Variants in ZNF383 observed in about 807,000 individuals in gnomAD.
ZNF383 encodes zinc finger protein 383.
A neutral mutation model predicts 44.2 loss-of-function variants in ZNF383; 32 were observed. That is an observed-to-expected ratio of 0.72 (90% CI 0.55 to 0.97). The LOEUF (loss-of-function observed/expected upper bound fraction) is 0.97, where lower values mean the gene tolerates loss of function less well. Among genes scored for constraint, ZNF383 ranks in the 50% least tolerant of loss-of-function variants. The pLI is 0.00. For synonymous variants in ZNF383, 155 were observed against 186.2 expected (o/e 0.83, Z 1.36); for missense variants, 487 against 562.5 (o/e 0.87, Z 1.36).
At position 37,243,455 on chromosome 19, in the gene ZNF383, T is replaced by G; in HGVS notation, c.1219T>G (p.Ser407Ala). The change falls in exon 6 of 6, where the codon TCA becomes GCA. Residue 407 changes from serine to alanine, a missense_variant. Ser to Ala is a moderately conservative substitution (Grantham distance 99, BLOSUM62 1). Transcript: ENST00000684119. Reference protein sequence around the residue: ...LECGKAFTQNSQLFQHQRIHT... With the variant: ...LECGKAFTQNAQLFQHQRIHT... ...ATGTGGGAAGGCCTTTACTCAGAAC[T>G]CACAACTTTTCCAGCATCAGAGAAT... is the stretch of plus-strand genomic sequence containing the variant. 6.2e-7 allele frequency: 1 copy of G among 1,614,038 alleles called. No individual in the cohort carries two copies. The highest frequency in any genetic ancestry group is 8.5e-7 in the Non-Finnish European group (1 of 1,179,916).
chr19:37,221,934 C>T (rs1051080999), intron 1 of ZNF383, among the ~76,000 whole-genome samples: 3 of 142,152 alleles, frequency 2.1e-5, no homozygotes, highest in East Asian at 2.0e-4. Context: ...CCAGCCTGGC[C>T]GACAGAGCGA....
rs1413533962 is a variant in ZNF383 at position 37,234,411 on chromosome 19, CAG to C, written c.10-1135_10-1134del. On this transcript the variant is annotated intron_variant, in intron 3 of 5. Coordinates refer to ENST00000684119, the MANE Select transcript of ZNF383 (RefSeq NM_001387601.1). The stretch of plus-strand genomic sequence containing the variant: ...TTTTATTTTATTTTATTTTTTGAGA[CAG>C]AGTCTTGCTCTGTTGCCCAGGCTGG... Among the ~76,000 whole-genome samples, 13 of 151,862 alleles carry C rather than the reference CAG, an allele frequency of 8.6e-5. No homozygotes were observed. In the East Asian group the frequency reaches 2.5e-3, roughly 30 times the overall value.
In ZNF383 at chr19:37,246,431, TG is replaced by T. The variant is rs1183706430; in HGVS notation, c.*2768del. 2.0e-5 allele frequency: 3 copies of T among 152,148 alleles called. No homozygotes were observed. Among genetic ancestry groups the T allele is most frequent in the African/African-American group, 4.8e-5 (2 of 41,422 alleles). 9.4% of individuals were successfully genotyped at this position (152,148 alleles called of 1,614,324 possible). A position where few individuals can be genotyped will look rare whatever the true frequency, so the allele number is the denominator to read the frequency against. On this transcript the variant is annotated 3_prime_UTR_variant, in exon 6 of 6. Transcript: ENST00000684119. Reference sequence around the variant, plus strand: ...TTTTAAAAGGAAGAGAAAAAGTATGTGTGCATAGTCTTTGTTCAGACTTTAT... The same window carrying T: ...TTTTAAAAGGAAGAGAAAAAGTATGTTGCATAGTCTTTGTTCAGACTTTAT...
chr19:37,243,448 T>C lies in ZNF383; in HGVS notation c.1212T>C (p.Thr404=), dbSNP rs775015680. ...GTCTTGAATGTGGGAAGGCCTTTACTCAGAACTCACAACTTTTCCAGCATC... is the reference window on the plus strand; with the variant it reads ...GTCTTGAATGTGGGAAGGCCTTTACCCAGAACTCACAACTTTTCCAGCATC... ...FECLECGKAF[T]QNSQLFQHQR... Residue 404 remains threonine, a synonymous_variant, in exon 6 of 6, where the codon ACT becomes ACC. Coordinates refer to ENST00000684119, the MANE Select transcript of ZNF383 (RefSeq NM_001387601.1). The C allele has an allele frequency of 1.1e-5, 18 of 1,613,982 alleles. No individual in the cohort carries two copies. The South Asian group carries it at 2.0e-4, about 18-fold the overall frequency.
At chr19:37,240,157 C>CAA (rs11296804) in intron 5 of ZNF383, among the ~76,000 whole-genome samples, 1 of 138,568 alleles carries the variant, frequency 7.2e-6, no homozygotes, top group Non-Finnish European at 1.6e-5. Flanking sequence ...CACTGCGTTT[C>CAA]AAAAAAAAAA....
At chr19:37,234,529 A>G (rs1973672057) in intron 3 of ZNF383, among the ~76,000 whole-genome samples, 1 of 152,058 alleles carries the variant, frequency 6.6e-6, no homozygotes, top group Admixed American at 6.6e-5. Context: ...GCTGAGGACT[A>G]CAGGCGCCCG....
chr19:37,225,984 A>G (rs1324674401), intron 2 of ZNF383, among the ~76,000 whole-genome samples: 6 of 144,740 alleles, frequency 4.1e-5, no homozygotes, highest in Non-Finnish European at 9.0e-5. Flanking sequence ...GTATTTTAGT[A>G]GAGACGGGGT....
intron 2 of ZNF383, chr19:37,226,681 G>A (rs1973183934): frequency 6.6e-6 from 1 of 152,068 alleles, no homozygotes; most frequent in Non-Finnish European, 1.5e-5. Flanking sequence ...AGACATGTAA[G>A]TTTCTATTTT....
At chr19:37,237,988 G>A (rs540345828) in intron 5 of ZNF383, among the ~76,000 whole-genome samples, 2 of 151,332 alleles carry the variant, frequency 1.3e-5, no homozygotes, top group South Asian at 2.1e-4. Context: ...TCAGCCTCCC[G>A]AGTAGCTCGG....
rs1974407036 is a variant in ZNF383, at chr19:37,247,385, A to G, written c.*3721A>G. 1.3e-5 allele frequency: 2 copies of G among 152,252 alleles called. No individual in the cohort carries two copies. Among genetic ancestry groups the G allele is most frequent in the African/African-American group, 4.8e-5 (2 of 41,458 alleles). 9.4% of individuals were successfully genotyped at this position (152,252 alleles called of 1,614,324 possible). ...GTATATGAGAAATTGAAATGGCTAT[A>G]TATGTAAACTTAAAAGAACTGTGTC... On this transcript the variant is annotated 3_prime_UTR_variant, in exon 6 of 6. Transcript: ENST00000684119.
chr19:37,219,786 T>G (rs953245023), intron 1 of ZNF383: 1 of 152,226 alleles, frequency 6.6e-6, no homozygotes, highest in Non-Finnish European at 1.5e-5. Flanking sequence ...CTTCTCTGGA[T>G]AGTCGTGGTT....
In ZNF383 at chr19:37,242,714, C is replaced by T; in HGVS notation, c.478C>T (p.His160Tyr). 1 of 1,614,018 alleles carries T rather than the reference C, an allele frequency of 6.2e-7. No homozygotes were observed. The highest frequency in any genetic ancestry group is 8.5e-7 in the Non-Finnish European group (1 of 1,179,964). ...TATTCAACAGACATTCCTTACTCTC[C>T]ATCAAATAATTAATAATGAAGACAG... is the stretch of plus-strand genomic sequence containing the variant. Reference protein sequence around the residue: ...TFIQQTFLTLHQIINNEDRPY... With the variant: ...TFIQQTFLTLYQIINNEDRPY... Residue 160 changes from histidine to tyrosine, a missense_variant, in exon 6 of 6, where the codon CAT (histidine) becomes TAT (tyrosine). By Grantham distance (83) the His-to-Tyr change is moderately conservative. Coordinates refer to ENST00000684119, the MANE Select transcript of ZNF383 (RefSeq NM_001387601.1).
intron 3 of ZNF383, among the ~76,000 whole-genome samples, chr19:37,235,284 AAAAAG>A (rs1274205859): frequency 1.3e-5 from 2 of 151,876 alleles, no homozygotes; most frequent in Admixed American, 6.6e-5. Flanking sequence ...AAAAAAAAAA[AAAAAG>A]AAAAGAAATC....
intron 3 of ZNF383, among the ~76,000 whole-genome samples, 193 bp from the exon 4 acceptor site, chr19:37,235,356 G>T (rs558000645): frequency 6.6e-6 from 1 of 151,806 alleles, no homozygotes; most frequent in Non-Finnish European, 1.5e-5. Flanking sequence ...TTTCTAGGCC[G>T]TTTCAATGGA....
Position 37,242,742 on chromosome 19 carries a change from C to T in ZNF383, c.506C>T (p.Pro169Leu), listed in dbSNP as rs760878144. The T allele has an allele frequency of 1.1e-5, 17 of 1,614,044 alleles. No individual in the cohort carries two copies. The highest frequency in any genetic ancestry group is 1.4e-5 in the Non-Finnish European group (17 of 1,180,002). The change falls in exon 6 of 6, where the codon CCC (proline) becomes CTC (leucine). Residue 169 changes from proline to leucine, a missense_variant. Transcript: ENST00000684119. The part of the protein sequence containing the change: ...LHQIINNEDR[P>L]YECKKCGKAF... ...CAAATAATTAATAATGAAGACAGAC[C>T]CTATGAATGTAAGAAATGTGGAAAG...
At chr19:37,234,960 A>T (rs1395602399) in intron 3 of ZNF383, among the ~76,000 whole-genome samples, 1 of 152,100 alleles carries the variant, frequency 6.6e-6, no homozygotes, top group Non-Finnish European at 1.5e-5. Context: ...GGTTTCTTTT[A>T]TTTGAAAATG....
rs1344455722 is a variant in ZNF383, at chr19:37,246,350, A to AACACTTGTAATG, written c.*2688_*2699dup. ...TTGTAATTCATGGTGGAAAAAGAGA[A>AACACTTGTAATG]ACACTTGTAATGAGTATAACGAAGC... On this transcript the variant is annotated 3_prime_UTR_variant, in exon 6 of 6. Coordinates refer to ENST00000684119, the MANE Select transcript of ZNF383 (RefSeq NM_001387601.1). The AACACTTGTAATG allele has an allele frequency of 6.6e-6, 1 of 152,230 alleles. No homozygotes were observed. Among genetic ancestry groups the AACACTTGTAATG allele is most frequent in the Non-Finnish European group, 1.5e-5 (1 of 68,044 alleles). The allele number at this position is 152,230 out of a possible 1,614,324, so 9.4% of individuals were successfully genotyped here. A position where few individuals can be genotyped will look rare whatever the true frequency, so the allele number is the denominator to read the frequency against.
At chr19:37,224,772 G>A (rs1973079857) in intron 1 of ZNF383, 46 bp from the exon 2 acceptor site, 3 of 145,894 alleles carry the variant, frequency 2.1e-5, no homozygotes, top group South Asian at 4.4e-4. Context: ...TGGTATAAAA[G>A]ACAATGTAAA....
chr19:37,233,762 A>G (rs1220411862), intron 3 of ZNF383, among the ~76,000 whole-genome samples: 1 of 152,062 alleles, frequency 6.6e-6, no homozygotes, highest in African/African-American at 2.4e-5. Flanking sequence ...GAAATGTCCT[A>G]ATAGGGCTTT....
Sources: allele counts gnomAD v4.1 joint callset (sites outside exome capture counted in the v4.1 genomes callset), GRCh38; gene constraint gnomAD v4.1.1; transcripts MANE v1.5; gene names NCBI Gene and HGNC (gene_info 2026-07-23, HGNC 2026-07-21).